The following RFX8 variants were observed in gnomAD, a reference collection of about 807,000 sequenced individuals.
RFX8 encodes DNA-binding protein RFX8.
In RFX8, 46 loss-of-function variants were observed where a neutral mutation model predicts 54.6. The ratio of observed to expected loss-of-function variants is 0.84; its 90% CI spans 0.67 to 1.08. RFX8 has a LOEUF of 1.08. RFX8 is among the 50% of genes least tolerant of loss of function. The pLI, the probability that RFX8 is intolerant of heterozygous loss-of-function variation, is 0.00. For missense variants in RFX8, 536 were observed against 562.3 expected, an observed-to-expected ratio of 0.95 and a Z score of 0.47; for synonymous variants, 192 against 209.5, an observed-to-expected ratio of 0.92 and a Z score of 0.72.
intron 2 of RFX8, among the ~76,000 whole-genome samples, chr2:101,431,320 G>A (rs888002662): frequency 6.6e-6 from 1 of 152,212 alleles, no homozygotes; most frequent in Non-Finnish European, 1.5e-5. Flanking sequence ...TCACAAAGAT[G>A]TTGGGTGAGG....
chr2:101,436,992 A>G (rs2148952159), intron 2 of RFX8, among the ~76,000 whole-genome samples: 1 of 152,278 alleles, frequency 6.6e-6, no homozygotes, highest in Middle Eastern at 3.4e-3. Flanking sequence ...AAACCCTGAG[A>G]CCTCGGACCC....
intron 1 of RFX8, chr2:101,474,379 T>C: frequency 2.6e-6 from 1 of 390,522 alleles, no homozygotes; most frequent in East Asian, 3.8e-5. Context: ...GTGTTTACTT[T>C]AGAAAGGAGC....
At chr2:101,448,788 C>A (rs12712105) in intron 2 of RFX8, among the ~76,000 whole-genome samples, 1 of 152,026 alleles carries the variant, frequency 6.6e-6, no homozygotes, top group Non-Finnish European at 1.5e-5. Flanking sequence ...ACTAGAACAC[C>A]TTTGAGAGTG....
chr2:101,466,791 C>T lies in RFX8; in HGVS notation c.58G>A (p.Ala20Thr). ...CAACAACTTACCTTCCCAAAGGTGG[C>T]CGGGTTGACTTGGTTCTCAGTGTTT... is the stretch of plus-strand genomic sequence containing the variant. ...GQNTENQVNP[A>T]TFGKCEDHSP... Residue 20 changes from alanine to threonine, a missense_variant, in exon 2 of 12, where the codon GCC (alanine) becomes ACC (threonine). Physicochemically the swap from Ala to Thr is moderately conservative, Grantham distance 58. Coordinates refer to ENST00000428343, the MANE Select transcript of RFX8 (RefSeq NM_001145664.2). 6.4e-7 allele frequency: 1 copy of T among 1,551,174 alleles called. No individual in the cohort carries two copies. Among genetic ancestry groups the T allele is most frequent in the East Asian group, 2.4e-5 (1 of 40,924 alleles).
At chr2:101,406,527 G>T (rs1421820007) in intron 9 of RFX8, among the ~76,000 whole-genome samples, 1 of 151,824 alleles carries the variant, frequency 6.6e-6, no homozygotes, top group African/African-American at 2.4e-5. Context: ...GGTGGGTAGA[G>T]ATAAGGGTCT....
At chr2:101,407,077 T>C (rs1031248443) in intron 9 of RFX8, among the ~76,000 whole-genome samples, 15 of 152,250 alleles carry the variant, frequency 9.9e-5, no homozygotes, top group Non-Finnish European at 8.8e-5. Flanking sequence ...TCTGTTGATA[T>C]GCATGCTCCA....
chr2:101,439,758 G>A (rs1687988437), intron 2 of RFX8, among the ~76,000 whole-genome samples: 1 of 151,524 alleles, frequency 6.6e-6, no homozygotes, highest in Non-Finnish European at 1.5e-5. Context: ...TGTCACCCAG[G>A]CTGGAGTTCA....
chr2:101,398,160 T>C (rs1405496538), intron 11 of RFX8, among the ~76,000 whole-genome samples: 2 of 152,180 alleles, frequency 1.3e-5, no homozygotes, highest in African/African-American at 2.4e-5. Flanking sequence ...ACCCAGCCCA[T>C]GCATTTATTC....
At chr2:101,420,586 A>G (rs1686811053) in intron 4 of RFX8, among the ~76,000 whole-genome samples, 1 of 152,154 alleles carries the variant, frequency 6.6e-6, no homozygotes. Flanking sequence ...GAAAAAAAGA[A>G]ATAATAAAAT....
chr2:101,415,034 C>T (rs1573377789), intron 6 of RFX8, 122 bp from the exon 7 acceptor site: 2 of 683,232 alleles, frequency 2.9e-6, no homozygotes, highest in Admixed American at 2.1e-5. Context: ...CAACTTCCCC[C>T]ACCCCCGTGT....
chr2:101,465,382 C>T (rs747169747), intron 2 of RFX8, among the ~76,000 whole-genome samples: 32 of 152,158 alleles, frequency 2.1e-4, no homozygotes, highest in Non-Finnish European at 3.4e-4. Context: ...TGGTGGTGCA[C>T]GCCTGTAGTC....
At chr2:101,421,308 A>G (rs1686848691) in intron 4 of RFX8, 23 of 988,294 alleles carry the variant, frequency 2.3e-5, no homozygotes, top group Non-Finnish European at 2.8e-5. Flanking sequence ...TCCAATCGTG[A>G]CAATACCCAT....
At chr2:101,408,919 G>A (rs1191344764) in intron 9 of RFX8, among the ~76,000 whole-genome samples, 1 of 152,196 alleles carries the variant, frequency 6.6e-6, no homozygotes, top group African/African-American at 2.4e-5. Flanking sequence ...ACAAGGGAGT[G>A]GCCACAACAC....
At chr2:101,456,731 A>T (rs1344508626) in intron 2 of RFX8, among the ~76,000 whole-genome samples, 1 of 152,136 alleles carries the variant, frequency 6.6e-6, no homozygotes, top group Non-Finnish European at 1.5e-5. Context: ...GGCCTCATAA[A>T]ATGAGTTAGG....
rs746515037 is a variant in RFX8 at position 101,421,882 on chromosome 2, C to T, written c.184-105G>A. The T allele has an allele frequency of 9.8e-6, 8 of 817,646 alleles. No individual in the cohort carries two copies. In the Admixed American group the frequency reaches 1.1e-4, roughly 12 times the overall value. The allele number at this position is 817,646 out of a possible 1,614,324, so 50.6% of individuals were successfully genotyped here. On this transcript the variant is annotated intron_variant, in intron 3 of 11. Coordinates refer to ENST00000428343, the MANE Select transcript of RFX8 (RefSeq NM_001145664.2). ...CTCAGAGGCCGCTCTTGTTGCAATT[C>T]TCAAATGACAATAGCTGCGCTCTTC... is the stretch of plus-strand genomic sequence containing the variant.
intron 2 of RFX8, among the ~76,000 whole-genome samples, chr2:101,447,446 C>A (rs763790502): frequency 6.6e-6 from 1 of 152,100 alleles, no homozygotes; most frequent in Non-Finnish European, 1.5e-5. Flanking sequence ...GATCATGGTG[C>A]GGGCAGATTT....
At chr2:101,463,462 C>T (rs1036156391) in intron 2 of RFX8, among the ~76,000 whole-genome samples, 2 of 152,154 alleles carry the variant, frequency 1.3e-5, no homozygotes, top group African/African-American at 4.8e-5. Context: ...CCGGCTCATC[C>T]ACCCTCTGTG....
Position 101,474,636 on chromosome 2 carries a change from A to C in RFX8, c.-53T>G. On this transcript the variant is annotated splice_region_variant and 5_prime_UTR_variant, in exon 1 of 12. Coordinates refer to ENST00000428343, the MANE Select transcript of RFX8 (RefSeq NM_001145664.2). Reference sequence around the variant, plus strand: ...ACGCGAACAACAAGCACCAACTTACACCTTTTCCAATCTGGTCGCGGTGTT... The same window carrying C: ...ACGCGAACAACAAGCACCAACTTACCCCTTTTCCAATCTGGTCGCGGTGTT... 1 of 197,478 alleles carries C rather than the reference A, an allele frequency of 5.1e-6. No individual in the cohort carries two copies. Among genetic ancestry groups the C allele is most frequent in the East Asian group, 1.2e-4 (1 of 8,480 alleles). The allele number at this position is 197,478 out of a possible 1,614,324, so 12.2% of individuals were successfully genotyped here. A position where few individuals can be genotyped will look rare whatever the true frequency, so the allele number is the denominator to read the frequency against.
chr2:101,461,278 A>AG lies in RFX8; in HGVS notation c.72+5498_72+5499insC, dbSNP rs1293034070. 2.9e-3 allele frequency among the ~76,000 whole-genome samples: 427 copies of AG among 148,672 alleles called. 6 individuals carry two copies. Among genetic ancestry groups the AG allele is most frequent in the African/African-American group, 9.6e-3 (385 of 40,042 alleles). On this transcript the variant is annotated intron_variant, in intron 2 of 11. Coordinates refer to ENST00000428343, the MANE Select transcript of RFX8 (RefSeq NM_001145664.2). ...ACTCCATCTCAAAAAAAAAAAAAAA[A>AG]AAAAGAAAGAAAAAGAAAAAGAAAA... is the stretch of plus-strand genomic sequence containing the variant.
Sources: gnomAD v4.1 joint callset for allele counts (sites outside exome capture counted in the v4.1 genomes callset) on GRCh38, gnomAD v4.1.1 for gene constraint, MANE v1.5 for transcripts, NCBI Gene and HGNC (gene_info 2026-07-23, HGNC 2026-07-21) for gene names.